Variants in CDH18 observed in about 807,000 individuals in gnomAD.
CDH18 encodes the protein cadherin-18.
A neutral mutation model predicts 67.9 loss-of-function variants in CDH18; 31 were observed. That is an observed-to-expected ratio of 0.46 (90% CI 0.34 to 0.62). The LOEUF is 0.62. Among genes scored for constraint, CDH18 ranks in the 20% least tolerant of loss-of-function variants. CDH18 has a pLI of 0.01. For synonymous variants in CDH18, 362 were observed against 347.2 expected, an observed-to-expected ratio of 1.04 and a Z score of -0.48; for missense variants, 890 against 975.5, an observed-to-expected ratio of 0.91 and a Z score of 1.17.
chr5:20,062,718 A>G (rs1742609051), intron 2 of CDH18, among the ~76,000 whole-genome samples: 2 of 152,126 alleles, frequency 1.3e-5, no homozygotes, highest in Non-Finnish European at 2.9e-5. Context: ...TCGCTCTTCT[A>G]TTATCTTAAA....
chr5:19,804,498 T>G (rs1454396782), intron 3 of CDH18, among the ~76,000 whole-genome samples: 1 of 152,152 alleles, frequency 6.6e-6, no homozygotes, highest in Non-Finnish European at 1.5e-5. Context: ...TTTCGAGGGT[T>G]GGTCAAAATC....
At chr5:19,865,505 C>T (rs898687013) in intron 2 of CDH18, among the ~76,000 whole-genome samples, 15 of 151,990 alleles carry the variant, frequency 9.9e-5, no homozygotes, top group Non-Finnish European at 1.9e-4. Flanking sequence ...CAGGTGGGGG[C>T]GGTGGAGGAG....
intron 2 of CDH18, among the ~76,000 whole-genome samples, chr5:20,151,678 C>A (rs979478880): frequency 6.6e-6 from 1 of 152,118 alleles, no homozygotes; most frequent in Non-Finnish European, 1.5e-5. Context: ...AATAGTCATT[C>A]TGACTGGTGT....
At chr5:19,605,323 A>G (rs1052339777) in intron 6 of CDH18, among the ~76,000 whole-genome samples, 1 of 151,892 alleles carries the variant, frequency 6.6e-6, no homozygotes, top group Non-Finnish European at 1.5e-5. Flanking sequence ...TTATTATAAT[A>G]AATACATAAT....
intron 10 of CDH18, among the ~76,000 whole-genome samples, chr5:19,509,645 A>G (rs1744812207): frequency 6.6e-6 from 1 of 152,158 alleles, no homozygotes; most frequent in Non-Finnish European, 1.5e-5. Flanking sequence ...ATGTGGTGGA[A>G]GCAGAGAATG....
chr5:20,365,003 C>A (rs1742393655), intron 1 of CDH18, among the ~76,000 whole-genome samples: 1 of 152,126 alleles, frequency 6.6e-6, no homozygotes, highest in East Asian at 1.9e-4. Flanking sequence ...TAAATGTATT[C>A]AGTAGTATCT....
rs976156407 is a variant in CDH18 at position 20,544,331 on chromosome 5, CAT to C, written c.-580+31129_-580+31130del. Among the ~76,000 whole-genome samples the C allele has an allele frequency of 5.8e-3, 882 of 152,098 alleles. 8 individuals are homozygous for C. Among genetic ancestry groups the C allele is most frequent in the African/African-American group, 0.02 (841 of 41,446 alleles). On this transcript the variant is annotated intron_variant, in intron 1 of 14. Coordinates refer to the CDH18 transcript ENST00000507958. ...AGTTTAAAAAAAGCACACATAAACA[CAT>C]ATATATGTGTACATATGTGTATGTA...
chr5:19,628,117 C>T (rs1054119195), intron 5 of CDH18, among the ~76,000 whole-genome samples: 5 of 152,034 alleles, frequency 3.3e-5, no homozygotes, highest in African/African-American at 1.2e-4. Context: ...GTGGTTTCTC[C>T]CATACTGTTC....
chr5:19,849,264 A>G (rs565428841), intron 2 of CDH18, among the ~76,000 whole-genome samples: 1 of 152,114 alleles, frequency 6.6e-6, no homozygotes, highest in Admixed American at 6.6e-5. Flanking sequence ...AAATTCATGG[A>G]GTAACAAGAT....
intron 2 of CDH18, among the ~76,000 whole-genome samples, chr5:20,104,939 T>C (rs1746800857): frequency 6.6e-6 from 1 of 152,200 alleles, no homozygotes; most frequent in African/African-American, 2.4e-5. Context: ...TCTCACATGA[T>C]TTATGATCCA....
At chr5:20,258,769 C>G (rs1443593964) in intron 1 of CDH18, among the ~76,000 whole-genome samples, 1 of 151,802 alleles carries the variant, frequency 6.6e-6, no homozygotes, top group South Asian at 2.1e-4. Flanking sequence ...CCTAACATAC[C>G]CTAATACTAC....
intron 3 of CDH18, among the ~76,000 whole-genome samples, chr5:19,832,024 A>G (rs1781091688): frequency 6.6e-6 from 1 of 152,144 alleles, no homozygotes; most frequent in Non-Finnish European, 1.5e-5. Flanking sequence ...TCAAATATGT[A>G]TTCTCACTTG....
intron 2 of CDH18, among the ~76,000 whole-genome samples, chr5:19,859,482 C>T (rs1293174876): frequency 6.6e-6 from 1 of 151,568 alleles, no homozygotes; most frequent in African/African-American, 2.4e-5. Context: ...TAGAGAATCT[C>T]CTTCCCTTTC....
chr5:19,899,738 T>C (rs531554395), intron 2 of CDH18, among the ~76,000 whole-genome samples: 9 of 152,146 alleles, frequency 5.9e-5, no homozygotes, highest in Non-Finnish European at 1.3e-4. Flanking sequence ...AAATGTAGTA[T>C]ATATATATAA....
chr5:19,582,830 G>A (rs1413738686), intron 7 of CDH18, among the ~76,000 whole-genome samples: 5 of 151,696 alleles, frequency 3.3e-5, no homozygotes, highest in African/African-American at 4.8e-5. Context: ...AACAACATTC[G>A]ATCCTTATTG....
intron 1 of CDH18, among the ~76,000 whole-genome samples, chr5:20,488,648 T>C (rs1220480481): frequency 6.8e-6 from 1 of 146,084 alleles, no homozygotes; most frequent in Non-Finnish European, 1.5e-5. Flanking sequence ...ATTCATATGC[T>C]CTTTTTGGTT....
At chr5:20,405,285 C>T (rs905083683) in intron 1 of CDH18, among the ~76,000 whole-genome samples, 26 of 152,100 alleles carry the variant, frequency 1.7e-4, no homozygotes, top group African/African-American at 5.8e-4. Flanking sequence ...TAATGCCACA[C>T]ATCTACAACT....
chr5:19,480,957 C>T lies in CDH18; in HGVS notation c.1882+2344G>A, dbSNP rs1030098518. 4.6e-5 allele frequency among the ~76,000 whole-genome samples: 7 copies of T among 152,186 alleles called. No homozygotes were observed. In the Middle Eastern group the frequency reaches 0.02, roughly 444 times the overall value. ...CAGTGAAATAGTTCTTGCTCTGGTG[C>T]ACCAAACTTCCATCCTTCATGTTGC... On this transcript the variant is annotated intron_variant, in intron 12 of 12. Coordinates refer to ENST00000382275, the MANE Select transcript of CDH18 (RefSeq NM_004934.5).
At chr5:20,137,575 C>T (rs1316539124) in intron 2 of CDH18, among the ~76,000 whole-genome samples, 1 of 152,054 alleles carries the variant, frequency 6.6e-6, no homozygotes, top group Non-Finnish European at 1.5e-5. Flanking sequence ...TCTTCTGAGG[C>T]CTACTTCTGT....
Sources: gnomAD v4.1 joint callset for allele counts (sites outside exome capture counted in the v4.1 genomes callset) on GRCh38, gnomAD v4.1.1 for gene constraint, MANE v1.5 for transcripts, NCBI Gene and HGNC (gene_info 2026-07-23, HGNC 2026-07-21) for gene names.